The following CCSER1 variants were observed in gnomAD, a reference collection of about 807,000 sequenced individuals.
The protein encoded by CCSER1 is serine-rich coiled-coil domain-containing protein 1.
In CCSER1, 41 loss-of-function variants were observed where a neutral mutation model predicts 82.0. The ratio of observed to expected loss-of-function variants is 0.50; its 90% CI spans 0.39 to 0.65. The LOEUF (loss-of-function observed/expected upper bound fraction) is 0.65. Among genes scored for constraint, CCSER1 ranks in the 30% least tolerant of loss-of-function variants. The pLI is 0.00. For synonymous variants in CCSER1, 414 were observed against 383.9 expected (o/e 1.08, Z -0.92); for missense variants, 1,119 against 1,064.2 (o/e 1.05, Z -0.72).
chr4:90,592,665 A>C (rs1270451215), intron 5 of CCSER1, among the ~76,000 whole-genome samples: 1 of 151,660 alleles, frequency 6.6e-6, no homozygotes, highest in African/African-American at 2.4e-5. Context: ...TACTTGCCCC[A>C]TATGCTTCTC....
chr4:91,165,121 G>A (rs913289772), intron 10 of CCSER1, among the ~76,000 whole-genome samples: 10 of 152,074 alleles, frequency 6.6e-5, no homozygotes, highest in African/African-American at 1.2e-4. Context: ...GTTTTGGTTC[G>A]GATGTCCTTT....
intron 10 of CCSER1, among the ~76,000 whole-genome samples, chr4:91,204,161 GC>G (rs1736149508): frequency 6.6e-6 from 1 of 151,776 alleles, no homozygotes; most frequent in Admixed American, 6.6e-5. Flanking sequence ...TTTTTATAAA[GC>G]TTAGGAATGG....
chr4:90,804,146 C>G (rs995619726), intron 7 of CCSER1, among the ~76,000 whole-genome samples: 5 of 152,016 alleles, frequency 3.3e-5, no homozygotes, highest in Admixed American at 1.3e-4. Context: ...CAAAAATTTT[C>G]TCCCATTCTG....
intron 9 of CCSER1, among the ~76,000 whole-genome samples, chr4:90,978,574 G>A (rs1343342377): frequency 6.6e-6 from 1 of 150,676 alleles, no homozygotes. Flanking sequence ...TCCTCACATA[G>A]CTTCTCAATA....
At chr4:91,492,333 T>G (rs558583801) in intron 10 of CCSER1, among the ~76,000 whole-genome samples, 2 of 151,734 alleles carry the variant, frequency 1.3e-5, no homozygotes, top group African/African-American at 4.8e-5. Flanking sequence ...CAAAAGGGAG[T>G]TGCTGAATCT....
At chr4:90,514,573 T>G (rs763824337) in intron 5 of CCSER1, among the ~76,000 whole-genome samples, 1 of 151,946 alleles carries the variant, frequency 6.6e-6, no homozygotes, top group Admixed American at 6.6e-5. Flanking sequence ...CTGGCCAACA[T>G]AGTGAAACCC....
intron 1 of CCSER1, among the ~76,000 whole-genome samples, chr4:90,202,385 T>A (rs1049873241): frequency 6.6e-6 from 1 of 152,014 alleles, no homozygotes; most frequent in Non-Finnish European, 1.5e-5. Context: ...GTATTTTTAG[T>A]AGAGATAGGG....
At chr4:90,399,169 A>C (rs957082711) in intron 3 of CCSER1, among the ~76,000 whole-genome samples, 4 of 152,082 alleles carry the variant, frequency 2.6e-5, no homozygotes, top group Admixed American at 2.6e-4. Flanking sequence ...ATTTATATAT[A>C]TACAAATATA....
At chr4:90,655,609 G>T (rs1265450265) in intron 6 of CCSER1, among the ~76,000 whole-genome samples, 1 of 151,802 alleles carries the variant, frequency 6.6e-6, no homozygotes, top group Non-Finnish European at 1.5e-5. Flanking sequence ...AGATCTTTTT[G>T]ATACAGATCT....
chr4:91,146,458 G>A (rs1482791175), intron 10 of CCSER1, among the ~76,000 whole-genome samples: 1 of 152,102 alleles, frequency 6.6e-6, no homozygotes, highest in African/African-American at 2.4e-5. Context: ...GATCCACCAG[G>A]GAGCTAATGC....
intron 4 of CCSER1, among the ~76,000 whole-genome samples, chr4:90,407,770 A>T (rs1753957078): frequency 6.6e-6 from 1 of 151,950 alleles, no homozygotes; most frequent in Non-Finnish European, 1.5e-5. Context: ...CTCACGGGGG[A>T]GTGCTGGACA....
chr4:90,904,033 T>C (rs1358985712), intron 8 of CCSER1, among the ~76,000 whole-genome samples: 1 of 152,124 alleles, frequency 6.6e-6, no homozygotes, highest in Non-Finnish European at 1.5e-5. Flanking sequence ...TGGCAACTTA[T>C]GATTCTAACA....
At chr4:91,115,693 A>G (rs1035204674) in intron 10 of CCSER1, among the ~76,000 whole-genome samples, 5 of 151,918 alleles carry the variant, frequency 3.3e-5, no homozygotes, top group African/African-American at 7.2e-5. Context: ...AAAAATTTCA[A>G]TGGAATGTTG....
At chr4:90,802,622 A>G (rs191285868) in intron 7 of CCSER1, among the ~76,000 whole-genome samples, 12 of 152,284 alleles carry the variant, frequency 7.9e-5, no homozygotes, top group Admixed American at 1.3e-4. Context: ...TGCGCTAACT[A>G]ATAAAGAAAC....
intron 9 of CCSER1, among the ~76,000 whole-genome samples, chr4:90,969,745 C>T (rs1051102592): frequency 1.7e-4 from 26 of 151,856 alleles, no homozygotes; most frequent in African/African-American, 5.8e-4. Context: ...ATAAAACTCA[C>T]TGGCAAAGGT....
chr4:90,598,317 G>T (rs187453393), intron 5 of CCSER1, among the ~76,000 whole-genome samples: 20 of 151,806 alleles, frequency 1.3e-4, no homozygotes, highest in Admixed American at 1.2e-3. Flanking sequence ...TGTGCACAAC[G>T]TGCAGGTTTG....
At chr4:90,830,584 A>G (rs1052100367) in intron 8 of CCSER1, among the ~76,000 whole-genome samples, 19 of 152,120 alleles carry the variant, frequency 1.2e-4, no homozygotes, top group African/African-American at 4.6e-4. Context: ...TTGGAATGAG[A>G]GATCCTTAAA....
intron 7 of CCSER1, chr4:90,780,558 A>G (rs1753633583): frequency 2.6e-6 from 4 of 1,565,250 alleles, no homozygotes; most frequent in Non-Finnish European, 3.4e-6. Context: ...AGGAAAGAAT[A>G]AAGACTCTTT....
chr4:91,162,347 G>T (rs1216940097), intron 10 of CCSER1, among the ~76,000 whole-genome samples: 3 of 152,106 alleles, frequency 2.0e-5, no homozygotes, highest in Admixed American at 6.6e-5. Flanking sequence ...TTTTATTGAG[G>T]ATTTTTAGAT....
Sources: gnomAD v4.1 joint callset for allele counts (sites outside exome capture counted in the v4.1 genomes callset) on GRCh38, gnomAD v4.1.1 for gene constraint, MANE v1.5 for transcripts, NCBI Gene and HGNC (gene_info 2026-07-23, HGNC 2026-07-21) for gene names.